The following HDAC2 variants were observed in gnomAD, a reference collection of about 807,000 sequenced individuals.
HDAC2 encodes YY1-associated factor 1.
Under a neutral mutation model 68.5 loss-of-function variants are expected in HDAC2, and 5 were observed. That is an observed-to-expected ratio of 0.07 (90% CI 0.04 to 0.15). HDAC2 has a LOEUF of 0.15. Ranked by LOEUF, HDAC2 falls within the 10% of genes least tolerant of loss-of-function variation. The probability of loss-of-function intolerance (pLI) is 1.00; values close to 1 mark genes in which losing one functional copy is unlikely to be tolerated. For synonymous variants in HDAC2, 182 were observed against 191.3 expected, an observed-to-expected ratio of 0.95 and a Z score of 0.40; for missense variants, 291 against 600.8, an observed-to-expected ratio of 0.48 and a Z score of 5.39.
intron 10 of HDAC2, 34 bp from the exon 11 acceptor site, chr6:113,944,444 T>G: frequency 6.3e-7 from 1 of 1,593,318 alleles, no homozygotes; most frequent in Non-Finnish European, 8.6e-7. Context: ...TTAGACAAAA[T>G]TAAATTTCTT....
intron 6 of HDAC2, among the ~76,000 whole-genome samples, chr6:113,951,962 G>A (rs911908227): frequency 3.3e-5 from 5 of 152,134 alleles, no homozygotes; most frequent in African/African-American, 1.2e-4. Flanking sequence ...AGATAAACTA[G>A]CATCACACTG....
At position 113,936,302 on chromosome 6, in the gene HDAC2, T is replaced by A. The variant is rs1775996036; in HGVS notation, c.*4756A>T. 6.6e-6 allele frequency: 1 copy of A among 152,214 alleles called. No homozygotes were observed. Among genetic ancestry groups the A allele is most frequent in the South Asian group, 2.1e-4 (1 of 4,838 alleles). The allele number at this position is 152,214 out of a possible 1,614,324, so 9.4% of individuals were successfully genotyped here. On this transcript the variant is annotated 3_prime_UTR_variant, in exon 14 of 14. Transcript: ENST00000519065. Reference sequence around the variant, plus strand: ...ATTTTAAATGCAGTATCTGCCATCTTGTGGTACAGTGAGGAAATGCAGCAA... The same window carrying A: ...ATTTTAAATGCAGTATCTGCCATCTAGTGGTACAGTGAGGAAATGCAGCAA...
At chr6:113,953,443 G>A in intron 5 of HDAC2, 25 bp from the exon 6 acceptor site, 1 of 1,491,874 alleles carries the variant, frequency 6.7e-7, no homozygotes. Flanking sequence ...ATAAGTTTTG[G>A]TTTTTCCTTT....
At chr6:113,970,459 C>T (rs1776961543) in intron 1 of HDAC2, 1 of 1,064,364 alleles carries the variant, frequency 9.4e-7, no homozygotes, top group Non-Finnish European at 1.1e-6. Context: ...GGGTAGGAGG[C>T]CGACGCGGGG....
chr6:113,963,722 A>G (rs1054754493), intron 1 of HDAC2, among the ~76,000 whole-genome samples: 1 of 152,230 alleles, frequency 6.6e-6, no homozygotes, highest in Non-Finnish European at 1.5e-5. Context: ...GATAAAGGAT[A>G]TTCAACCTGT....
At chr6:113,962,779 T>C (rs1049774583) in intron 1 of HDAC2, among the ~76,000 whole-genome samples, 9 of 151,696 alleles carry the variant, frequency 5.9e-5, no homozygotes, top group Non-Finnish European at 7.4e-5. Context: ...CTGACAAACA[T>C]TGTGAAACCC....
intron 1 of HDAC2, among the ~76,000 whole-genome samples, chr6:113,964,317 T>C (rs1776760834): frequency 6.6e-6 from 1 of 152,118 alleles, no homozygotes; most frequent in African/African-American, 2.4e-5. Flanking sequence ...CCAGACTACT[T>C]AGCCCACTAT....
chr6:113,963,749 C>T (rs945851485), intron 1 of HDAC2, among the ~76,000 whole-genome samples: 5 of 152,082 alleles, frequency 3.3e-5, no homozygotes, highest in African/African-American at 1.2e-4. Flanking sequence ...AAATACTTTA[C>T]CAATGAAATA....
chr6:113,943,203 C>A (rs984658119), intron 12 of HDAC2, 148 bp downstream of exon 12: 2 of 584,990 alleles, frequency 3.4e-6, no homozygotes, highest in Non-Finnish European at 6.0e-6. Context: ...AGCTAAGTAC[C>A]ACTTATATGT....
chr6:113,956,502 G>A (rs903953341), intron 4 of HDAC2, 117 bp downstream of exon 4: 5 of 732,534 alleles, frequency 6.8e-6, no homozygotes, highest in Admixed American at 2.3e-5. Flanking sequence ...TAAACATACT[G>A]ATTTCCTTTT....
chr6:113,950,541 C>T (rs138955987), intron 6 of HDAC2, among the ~76,000 whole-genome samples: 5 of 151,258 alleles, frequency 3.3e-5, no homozygotes, highest in Non-Finnish European at 7.4e-5. Context: ...TACAGGTGCA[C>T]GCCACCACAC....
chr6:113,956,418 T>A, intron 4 of HDAC2: 1 of 574,066 alleles, frequency 1.7e-6, no homozygotes, highest in East Asian at 2.8e-5. Context: ...AGTCTCCAAG[T>A]GAAAATAAGT....
At chr6:113,944,131 T>A in intron 11 of HDAC2, 149 bp downstream of exon 11, 1 of 680,176 alleles carries the variant, frequency 1.5e-6, no homozygotes. Context: ...TTCTGAGACA[T>A]CAGGAAGCTA....
At chr6:113,955,108 A>G (rs1467749582) in intron 5 of HDAC2, among the ~76,000 whole-genome samples, 2 of 152,228 alleles carry the variant, frequency 1.3e-5, no homozygotes, top group Non-Finnish European at 2.9e-5. Context: ...ATAAACTTCC[A>G]AGGTCATTGT....
Position 113,971,013 on chromosome 6 carries a change from G to T in HDAC2, c.-105C>A. The stretch of plus-strand genomic sequence containing the variant: ...GAGAGAAAAGGGCTGAGGGAAACGT[G>T]GGGGCGATAGTCCCGCGGGGAAGGG... On this transcript the variant is annotated 5_prime_UTR_variant, in exon 1 of 14. Transcript: ENST00000519065. 1.3e-6 allele frequency: 2 copies of T among 1,576,914 alleles called. No homozygotes were observed. Among genetic ancestry groups the T allele is most frequent in the East Asian group, 2.3e-5 (1 of 43,232 alleles).
At position 113,970,937 on chromosome 6, in the gene HDAC2, C is replaced by T. The variant is rs1056989191; in HGVS notation, c.-29G>A. The T allele has an allele frequency of 2.6e-6, 4 of 1,552,924 alleles. No individual in the cohort carries two copies. The African/African-American group carries it at 5.5e-5, about 21-fold the overall frequency. On this transcript the variant is annotated 5_prime_UTR_variant, in exon 1 of 14. Coordinates refer to ENST00000519065, the MANE Select transcript of HDAC2 (RefSeq NM_001527.4). Reference sequence around the variant, plus strand: ...CTCCCCGGCCACCGCCGCCACCGGGCTCCTCCTCCTGCTGCTGCTGCTGCT... The same window carrying T: ...CTCCCCGGCCACCGCCGCCACCGGGTTCCTCCTCCTGCTGCTGCTGCTGCT...
intron 2 of HDAC2, 148 bp from the exon 3 acceptor site, chr6:113,958,914 T>G: frequency 1.5e-6 from 1 of 679,586 alleles, no homozygotes; most frequent in Non-Finnish European, 2.6e-6. Flanking sequence ...TAACCCAAAC[T>G]TATATGTGTT....
intron 1 of HDAC2, among the ~76,000 whole-genome samples, chr6:113,963,284 ATATTTGCCAGGCTTGTCTCAAACT>A (rs1776734109): frequency 6.6e-6 from 1 of 151,752 alleles, no homozygotes; most frequent in Admixed American, 6.6e-5. Flanking sequence ...GGGTATCTCC[ATATTTGCCAGGCTTGTCTCAAACT>A]CCTGACCTCA....
rs1776107910 is a variant in HDAC2 at position 113,940,634 on chromosome 6, A to C, written c.*424T>G. ...GCTGTAATCATTATCTTTCACCTAG[A>C]GTGTATTGTAAGTCTACAGAAATGA... On this transcript the variant is annotated 3_prime_UTR_variant, in exon 14 of 14. Transcript: ENST00000519065. 6.3e-6 allele frequency: 1 copy of C among 159,878 alleles called. No individual in the cohort carries two copies. The highest frequency in any genetic ancestry group is 2.4e-5 in the African/African-American group (1 of 41,544). The allele number at this position is 159,878 out of a possible 1,614,324, so 9.9% of individuals were successfully genotyped here.
Sources: allele counts gnomAD v4.1 joint callset (sites outside exome capture counted in the v4.1 genomes callset), GRCh38; gene constraint gnomAD v4.1.1; transcripts MANE v1.5; gene names NCBI Gene and HGNC (gene_info 2026-07-23, HGNC 2026-07-21).